Variants in CYFIP1 observed in about 807,000 individuals in gnomAD.
CYFIP1 encodes cytoplasmic FMR1 interacting protein 1.
CYFIP1 carries 58 observed loss-of-function variants against 163.5 expected under a neutral mutation model. That is an observed-to-expected ratio of 0.35 (90% CI 0.29 to 0.44). The LOEUF (loss-of-function observed/expected upper bound fraction) is 0.44. Ranked by LOEUF, CYFIP1 falls within the 20% of genes least tolerant of loss-of-function variation. CYFIP1 has a pLI of 1.00. For synonymous variants in CYFIP1, 663 were observed against 660.7 expected (o/e 1.00, Z -0.05); for missense variants, 1,338 against 1,653.8 (o/e 0.81, Z 3.31).
chr15:22,947,343 C>A, intron 1 of CYFIP1, 52 bp from the exon 2 acceptor site: 1 of 1,589,516 alleles, frequency 6.3e-7, no homozygotes, highest in South Asian at 1.1e-5. Flanking sequence ...AGGGGACACC[C>A]AACAAGCTTC....
chr15:22,918,885 G>C, intron 13 of CYFIP1, 27 bp from the exon 14 acceptor site: 1 of 1,552,086 alleles, frequency 6.4e-7, no homozygotes, highest in South Asian at 1.2e-5. Flanking sequence ...AACAGGGACG[G>C]CCCTTCTTAG....
intron 27 of CYFIP1, 149 bp downstream of exon 27, chr15:22,875,050 G>A: frequency 1.5e-6 from 1 of 685,174 alleles, no homozygotes; most frequent in Non-Finnish European, 2.6e-6. Context: ...ATTTAACTAG[G>A]TTCTGTACAC....
upstream of CYFIP1, among the ~76,000 whole-genome samples, chr15:22,980,628 G>A (rs999982509): frequency 6.6e-6 from 1 of 152,098 alleles, no homozygotes; most frequent in Non-Finnish European, 1.5e-5. Flanking sequence ...AGCGGGCGTG[G>A]GGTCCTCCTG....
At chr15:22,944,798 G>A in intron 4 of CYFIP1, 64 bp downstream of exon 4, 2 of 1,557,032 alleles carry the variant, frequency 1.3e-6, no homozygotes, top group Non-Finnish European at 1.8e-6. Flanking sequence ...CAGGGGCAGG[G>A]GTGTGGTGTG....
At chr15:22,938,048 CAGG>C (rs969610937) in intron 8 of CYFIP1, among the ~76,000 whole-genome samples, 2 of 152,192 alleles carry the variant, frequency 1.3e-5, no homozygotes, top group Admixed American at 1.3e-4. Context: ...CTCCCCTGCT[CAGG>C]AGGAGTCTGG....
chr15:22,883,795 T>G (rs1023075391), intron 23 of CYFIP1, among the ~76,000 whole-genome samples: 2 of 114,178 alleles, frequency 1.8e-5, no homozygotes, highest in African/African-American at 3.6e-5. Flanking sequence ...CCAGCCCGGG[T>G]GACAGAACGA....
intron 15 of CYFIP1, 163 bp from the exon 16 acceptor site, chr15:22,916,793 C>A: frequency 6.3e-7 from 1 of 1,579,906 alleles, no homozygotes; most frequent in Non-Finnish European, 8.6e-7. Context: ...TACGCGGCCA[C>A]GTTGCTGCTG....
At chr15:22,902,269 G>T (rs143421684) in intron 22 of CYFIP1, among the ~76,000 whole-genome samples, 1 of 152,338 alleles carries the variant, frequency 6.6e-6, no homozygotes, top group Non-Finnish European at 1.5e-5. Context: ...CATGGCACTG[G>T]GTGCACCGTG....
At chr15:22,909,656 T>A (rs2060714571) in intron 20 of CYFIP1, among the ~76,000 whole-genome samples, 1 of 152,118 alleles carries the variant, frequency 6.6e-6, no homozygotes. Context: ...TAAATGCAAT[T>A]TTTTTTAGTT....
At chr15:22,909,147 C>T in intron 21 of CYFIP1, 47 bp downstream of exon 21, 2 of 1,599,986 alleles carry the variant, frequency 1.3e-6, no homozygotes, top group Non-Finnish European at 1.7e-6. Context: ...AAGAACTGGA[C>T]CTACCCTTAG....
chr15:22,913,332 C>T (rs2060845701), intron 17 of CYFIP1, among the ~76,000 whole-genome samples: 3 of 151,006 alleles, frequency 2.0e-5, no homozygotes. Flanking sequence ...AGTTCGAGAC[C>T]AGCCTGGCTA....
chr15:22,936,799 C>T (rs2061725737), intron 9 of CYFIP1, among the ~76,000 whole-genome samples: 3 of 152,212 alleles, frequency 2.0e-5, no homozygotes, highest in South Asian at 4.1e-4. Context: ...AAGCTACAAG[C>T]TGTAGCTACG....
Position 22,882,906 on chromosome 15 carries a change from C to T in CYFIP1, c.2782G>A (p.Val928Met), listed in dbSNP as rs751514522. ...ACCTTCAGCAGCTCCTCCATGACCA[C>T]GGCGATACCCTGGTAGCCGAGAAGC... Reference protein sequence around the residue: ...CRLLGYQGIAVVMEELLKVVK... With the variant: ...CRLLGYQGIAMVMEELLKVVK... The change falls in exon 24 of 31, where the codon GTG becomes ATG. Residue 928 changes from valine (V) to methionine (M), a missense_variant. Val to Met is a conservative substitution (Grantham distance 21). Transcript: ENST00000617928. The T allele has an allele frequency of 1.2e-5, 20 of 1,613,854 alleles. No individual in the cohort carries two copies. Among genetic ancestry groups the T allele is most frequent in the South Asian group, 2.2e-5 (2 of 91,062 alleles).
In CYFIP1 at chr15:22,962,866, G is replaced by A. The variant is rs138178293; in HGVS notation, c.-6-15575C>T. Among the ~76,000 whole-genome samples, 565 of 152,294 alleles carry A rather than the reference G, an allele frequency of 3.7e-3. 5 individuals carry two copies. Among genetic ancestry groups the A allele is most frequent in the African/African-American group, 0.013 (535 of 41,554 alleles). On this transcript the variant is annotated intron_variant, in intron 1 of 30. Transcript: ENST00000617928. ...CCTGAAGCACCATGTTGACGTGTGC[G>A]TGCTATTCCACCCAACCAACAAACC...
chr15:22,967,430 TAA>T (rs891599848), intron 1 of CYFIP1, among the ~76,000 whole-genome samples: 12 of 152,320 alleles, frequency 7.9e-5, no homozygotes, highest in African/African-American at 2.9e-4. Context: ...TAGTCTTGGC[TAA>T]GTCTACAGGA....
intron 12 of CYFIP1, among the ~76,000 whole-genome samples, chr15:22,926,326 C>G (rs1223201060): frequency 1.3e-5 from 2 of 152,122 alleles, no homozygotes; most frequent in African/African-American, 4.8e-5. Context: ...GGCAAAATGG[C>G]CTGGATAGTG....
chr15:22,925,881 A>G (rs1057127623), intron 13 of CYFIP1, 101 bp downstream of exon 13: 8 of 1,521,062 alleles, frequency 5.3e-6, no homozygotes, highest in Non-Finnish European at 6.3e-6. Flanking sequence ...CACAGAAGCA[A>G]TGAGTAAACA....
At chr15:22,916,776 G>A (rs1171443108) in intron 15 of CYFIP1, 146 bp from the exon 16 acceptor site, 6 of 1,595,654 alleles carry the variant, frequency 3.8e-6, no homozygotes, top group Non-Finnish European at 5.1e-6. Context: ...GGGTCCGGGT[G>A]CCTGTCTACG....
chr15:22,918,416 T>C (rs1479451065), intron 14 of CYFIP1, among the ~76,000 whole-genome samples: 2 of 152,122 alleles, frequency 1.3e-5, no homozygotes, highest in East Asian at 3.9e-4. Context: ...TAAGGCACCA[T>C]GCATGAACCA....
Sources: allele counts gnomAD v4.1 joint callset (sites outside exome capture counted in the v4.1 genomes callset), GRCh38; gene constraint gnomAD v4.1.1; transcripts MANE v1.5; gene names NCBI Gene and HGNC (gene_info 2026-07-23, HGNC 2026-07-21).